Variants in KCNQ1OT1 observed in about 807,000 individuals in gnomAD.
The protein encoded by KCNQ1OT1 is KCNQ1 antisense RNA 2 (non-protein coding).
chr11:2,632,346 T>C (rs530684947), exon 1 of KCNQ1OT1: 2 of 398,464 alleles, frequency 5.0e-6, no homozygotes, highest in South Asian at 2.5e-4. Flanking sequence ...TCTTCCTTTC[T>C]AAATGATGCC....
At position 2,608,604 on chromosome 11, in the gene KCNQ1OT1, G is replaced by T. The variant is rs1208215611; in HGVS notation, n.91391C>A. On this transcript the variant is annotated non_coding_transcript_exon_variant, in exon 1 of 1. Transcript: ENST00000597346. This position sits in a 1 kb window ranked among gnomAD's most constrained non-coding sequence, Gnocchi z 4.6. ...GATCCTTGCCCCTTAGCCTATGACA[G>T]GTGTGCACCACAACACCAGCTGTTA... 23 of 398,334 alleles carry T rather than the reference G, an allele frequency of 5.8e-5. No individual in the cohort carries two copies. Among genetic ancestry groups the T allele is most frequent in the Non-Finnish European group, 9.7e-5 (22 of 226,064 alleles). 24.7% of individuals were successfully genotyped at this position (398,334 alleles called of 1,614,324 possible).
chr11:2,663,251 G>T lies in KCNQ1OT1; in HGVS notation n.36744C>A, dbSNP rs989614041. ...GCCAGCAGATCACTGGAAAGCAGGG[G>T]TGACTAGTCATGGACACCCTGAGAA... is the stretch of plus-strand genomic sequence containing the variant. On this transcript the variant is annotated non_coding_transcript_exon_variant, in exon 1 of 1. Transcript: ENST00000597346. The surrounding 1 kb of genome is among the most constrained non-coding windows in gnomAD (Gnocchi z 5.2). 9 of 398,626 alleles carry T rather than the reference G, an allele frequency of 2.3e-5. No individual in the cohort carries two copies. The highest frequency in any genetic ancestry group is 1.4e-4 in the African/African-American group (7 of 48,634). 24.7% of individuals were successfully genotyped at this position (398,626 alleles called of 1,614,324 possible). A position where few individuals can be genotyped will look rare whatever the true frequency, so the allele number is the denominator to read the frequency against.
exon 1 of KCNQ1OT1, chr11:2,649,008 TC>T (rs1849715805): frequency 1.2e-5 from 4 of 343,694 alleles, no homozygotes; most frequent in East Asian, 7.9e-5. Context: ...TTTTTTTGAC[TC>T]AGTATTTTTT....
In KCNQ1OT1 at chr11:2,647,903, A is replaced by T. The variant is rs1453542383; in HGVS notation, n.52092T>A. ...GGTTAGTCTAGCTAATGGTTTATTGATTTTCTCTTTTCAAAAAATCAGTTT... is the reference window on the plus strand; with the variant it reads ...GGTTAGTCTAGCTAATGGTTTATTGTTTTTCTCTTTTCAAAAAATCAGTTT... On this transcript the variant is annotated non_coding_transcript_exon_variant, in exon 1 of 1. Coordinates refer to ENST00000597346, the Ensembl canonical transcript of KCNQ1OT1. The surrounding 1 kb of genome is among the most constrained non-coding windows in gnomAD (Gnocchi z 4.0). 2 of 397,792 alleles carry T rather than the reference A, an allele frequency of 5.0e-6. No individual in the cohort carries two copies. Among genetic ancestry groups the T allele is most frequent in the Non-Finnish European group, 8.9e-6 (2 of 225,918 alleles). 24.6% of individuals were successfully genotyped at this position (397,792 alleles called of 1,614,324 possible).
chr11:2,628,342 G>A (rs1849293287), exon 1 of KCNQ1OT1: 2 of 398,514 alleles, frequency 5.0e-6, no homozygotes, highest in Non-Finnish European at 8.8e-6. Flanking sequence ...ACAGTTATGA[G>A]GTGATATCTC....
At chr11:2,681,735 C>T (rs971977975) in exon 1 of KCNQ1OT1, 4 of 398,022 alleles carry the variant, frequency 1.0e-5, no homozygotes, top group South Asian at 2.6e-4. Flanking sequence ...ATTGTGGGCA[C>T]TGATCACACA....
chr11:2,694,674 C>T (rs1467098011), exon 1 of KCNQ1OT1: 8 of 398,494 alleles, frequency 2.0e-5, no homozygotes, highest in South Asian at 2.5e-4. Flanking sequence ...GGACCCTATA[C>T]GGAAGACAGA....
rs1183195010 is a variant in KCNQ1OT1, at chr11:2,659,100, A to G, written n.40895T>C. On this transcript the variant is annotated non_coding_transcript_exon_variant, in exon 1 of 1. Coordinates refer to ENST00000597346, the Ensembl canonical transcript of KCNQ1OT1. The surrounding 1 kb of genome is among the most constrained non-coding windows in gnomAD (Gnocchi z 4.3). ...GCTTTTCATCGTAGGGTCCTCCAAC[A>G]TCCGGGTTAATTTTTTAAATTTGCA... is the stretch of plus-strand genomic sequence containing the variant. 2 of 398,460 alleles carry G rather than the reference A, an allele frequency of 5.0e-6. No homozygotes were observed. Among genetic ancestry groups the G allele is most frequent in the Non-Finnish European group, 8.8e-6 (2 of 226,034 alleles). The allele number at this position is 398,460 out of a possible 1,614,324, so 24.7% of individuals were successfully genotyped here.
chr11:2,619,642 T>C (rs1849130217), exon 1 of KCNQ1OT1: 1 of 398,440 alleles, frequency 2.5e-6, no homozygotes, highest in African/African-American at 2.1e-5. Flanking sequence ...TTGTGATGCC[T>C]TTGGCTCACC....
chr11:2,684,331 C>T, exon 1 of KCNQ1OT1: 1 of 398,626 alleles, frequency 2.5e-6, no homozygotes, highest in Non-Finnish European at 4.4e-6. Context: ...CCTGAGGTGG[C>T]CCAGGTATGT....
rs1004663330 is a variant in KCNQ1OT1, at chr11:2,651,416, G to A, written n.48579C>T. On this transcript the variant is annotated non_coding_transcript_exon_variant, in exon 1 of 1. Transcript: ENST00000597346. The surrounding 1 kb of genome is among the most constrained non-coding windows in gnomAD (Gnocchi z 6.1). ...GCTCACTTTCCATTCCTTTTGGCCTGCCCTGTGTGCAGCTCAGCAAGTGCC... is the reference window on the plus strand; with the variant it reads ...GCTCACTTTCCATTCCTTTTGGCCTACCCTGTGTGCAGCTCAGCAAGTGCC... 1.5e-5 allele frequency: 6 copies of A among 398,582 alleles called. No homozygotes were observed. The highest frequency in any genetic ancestry group is 2.7e-5 in the Non-Finnish European group (6 of 226,122). 24.7% of individuals were successfully genotyped at this position (398,582 alleles called of 1,614,324 possible).
At chr11:2,632,018 T>C (rs1440755123) in exon 1 of KCNQ1OT1, 2 of 395,692 alleles carry the variant, frequency 5.1e-6, no homozygotes, top group African/African-American at 4.1e-5. Context: ...CCATCTCTAC[T>C]AAAAATACAA....
exon 1 of KCNQ1OT1, chr11:2,694,692 T>C (rs145803049): frequency 5.8e-5 from 23 of 398,630 alleles, no homozygotes; most frequent in Middle Eastern, 6.3e-4. Context: ...AGATATGCTC[T>C]CTTGGGGCCT....
exon 1 of KCNQ1OT1, chr11:2,628,734 C>T (rs1157183309): frequency 5.0e-6 from 2 of 398,144 alleles, no homozygotes; most frequent in African/African-American, 4.1e-5. Context: ...GGAGCTTTTC[C>T]CTGTTTTATA....
exon 1 of KCNQ1OT1, chr11:2,665,975 C>G (rs1161258140): frequency 2.5e-6 from 1 of 398,536 alleles, no homozygotes; most frequent in Non-Finnish European, 4.4e-6. Context: ...CCCCAACTGC[C>G]AAGCCAGCCA....
In KCNQ1OT1 at chr11:2,670,043, GCACT is replaced by G. The variant is rs1850152872; in HGVS notation, n.29948_29951del. The G allele has an allele frequency of 2.5e-6, 1 of 398,518 alleles. No individual in the cohort carries two copies. Among genetic ancestry groups the G allele is most frequent in the South Asian group, 1.3e-4 (1 of 7,858 alleles). The allele number at this position is 398,518 out of a possible 1,614,324, so 24.7% of individuals were successfully genotyped here. A position where few individuals can be genotyped will look rare whatever the true frequency, so the allele number is the denominator to read the frequency against. On this transcript the variant is annotated non_coding_transcript_exon_variant, in exon 1 of 1. Coordinates refer to ENST00000597346, the Ensembl canonical transcript of KCNQ1OT1. This position sits in a 1 kb window ranked among gnomAD's most constrained non-coding sequence, Gnocchi z 4.9. ...CCGTGGAGGTACAGGCGGAAACCTA[GCACT>G]CACTATTCTGCTCTGGGGAGGGGGT...
At chr11:2,616,855 G>A (rs2133798296) in exon 1 of KCNQ1OT1, 1 of 398,222 alleles carries the variant, frequency 2.5e-6, no homozygotes, top group East Asian at 3.6e-5. Context: ...AGAATGTGTA[G>A]TTGGGTGGAG....
chr11:2,628,391 T>C (rs573782741), exon 1 of KCNQ1OT1: 1 of 398,582 alleles, frequency 2.5e-6, no homozygotes, highest in Non-Finnish European at 4.4e-6. Context: ...TGATAAGTGA[T>C]GTTAAGCACC....
chr11:2,642,000 C>A (rs1242351101), exon 1 of KCNQ1OT1: 1 of 398,342 alleles, frequency 2.5e-6, no homozygotes. Context: ...AGTTTTTATT[C>A]CAATACCATG....
Sources: gnomAD v4.1 joint callset for allele counts on GRCh38, gnomAD v4.1.1 for gene constraint, Gnocchi (gnomAD v3.1) non-coding constraint, MANE v1.5 for transcripts, NCBI Gene and HGNC (gene_info 2026-07-23, HGNC 2026-07-21) for gene names.